The following GIT2 variants were observed in gnomAD, a reference collection of about 807,000 sequenced individuals.
GIT2 encodes the protein GIT ArfGAP 2, also known as ARF GTPase-activating protein GIT2.
A neutral mutation model predicts 100.3 loss-of-function variants in GIT2; 32 were observed. The observed-to-expected ratio is 0.32, with a 90% CI of 0.24 to 0.43. The LOEUF is 0.43. Ranked by LOEUF, GIT2 falls within the 20% of genes least tolerant of loss-of-function variation. The pLI is 1.00. For missense variants in GIT2, 737 were observed against 975.1 expected (o/e 0.76, Z 3.25); for synonymous variants, 353 against 364.1 (o/e 0.97, Z 0.35).
At chr12:109,963,949 C>T (rs922484224) in intron 9 of GIT2, among the ~76,000 whole-genome samples, 4 of 152,174 alleles carry the variant, frequency 2.6e-5, no homozygotes, top group Non-Finnish European at 5.9e-5. Context: ...ACTGACCAGT[C>T]TGACTCAGAG....
Position 109,938,491 on chromosome 12 carries a change from ACATGGGGTT to A in GIT2, c.1883_1891del (p.Glu628_His630del). ...GCTAGGGAGAGTGGGGCTTGGGGCC[ACATGGGGTT>A]CTGCTGTGTCTGGTACCAAGCCATC... On this transcript the variant is annotated inframe_deletion, in exon 18 of 20. Coordinates refer to ENST00000355312, the MANE Select transcript of GIT2 (RefSeq NM_057169.5). 4 of 1,613,910 alleles carry A rather than the reference ACATGGGGTT, an allele frequency of 2.5e-6. No individual in the cohort carries two copies. The highest frequency in any genetic ancestry group is 3.4e-6 in the Non-Finnish European group (4 of 1,179,808).
intron 4 of GIT2, among the ~76,000 whole-genome samples, chr12:109,986,923 C>T (rs1354272705): frequency 6.6e-6 from 1 of 151,612 alleles, no homozygotes; most frequent in Non-Finnish European, 1.5e-5. Flanking sequence ...TGCCATTGCA[C>T]TACAGCCTGG....
At chr12:109,991,187 G>A (rs940729592) in intron 2 of GIT2, among the ~76,000 whole-genome samples, 2 of 152,008 alleles carry the variant, frequency 1.3e-5, no homozygotes, top group South Asian at 4.1e-4. Flanking sequence ...GCGGGTGCCT[G>A]TAATCCCAGC....
intron 6 of GIT2, 153 bp from the exon 7 acceptor site, chr12:109,981,199 C>T (rs1379774095): frequency 1.6e-6 from 1 of 624,784 alleles, no homozygotes. Context: ...TTTCTGAAGT[C>T]TACTTTGCAT....
Position 109,948,299 on chromosome 12 carries a change from T to C in GIT2, c.1393-795A>G, listed in dbSNP as rs900890522. 9.1e-6 allele frequency: 9 copies of C among 987,154 alleles called. No homozygotes were observed. In the African/African-American group the frequency reaches 1.4e-4, roughly 15 times the overall value. 61.1% of individuals were successfully genotyped at this position (987,154 alleles called of 1,614,324 possible). ...CATCTTTCGGCCAGGGCTGGAATAT[T>C]TGGCCTTTCTCTCCTTTGGCTTTGT... is the stretch of plus-strand genomic sequence containing the variant. On this transcript the variant is annotated intron_variant, in intron 14 of 19. Transcript: ENST00000355312. This position sits in a 1 kb window ranked among gnomAD's most constrained non-coding sequence, Gnocchi z 4.3.
At chr12:110,000,127 G>T (rs1182940603), upstream of GIT2, among the ~76,000 whole-genome samples, 3 of 152,182 alleles carry the variant, frequency 2.0e-5, no homozygotes, top group African/African-American at 7.2e-5. Flanking sequence ...GGGCCGGCTG[G>T]CTCCGGAATG....
At chr12:109,946,005 G>A (rs917632162) in intron 15 of GIT2, among the ~76,000 whole-genome samples, 4 of 151,976 alleles carry the variant, frequency 2.6e-5, no homozygotes, top group African/African-American at 7.3e-5. Context: ...ACAGGACCAT[G>A]TGCCTGTAGT....
At chr12:109,935,077 TAAA>T (rs200683974) in intron 18 of GIT2, among the ~76,000 whole-genome samples, 1 of 140,566 alleles carries the variant, frequency 7.1e-6, no homozygotes, top group Non-Finnish European at 1.6e-5. Context: ...AGATTCCGTC[TAAA>T]AAAAAAAAAA....
chr12:109,980,912 C>T (rs1346722064), intron 7 of GIT2, 40 bp downstream of exon 7: 2 of 1,253,886 alleles, frequency 1.6e-6, no homozygotes, highest in South Asian at 1.2e-5. Context: ...TAGAACCTTC[C>T]CAACTGGAGA....
intron 13 of GIT2, 106 bp from the exon 14 acceptor site, chr12:109,951,422 T>C: frequency 1.1e-6 from 1 of 883,866 alleles, no homozygotes; most frequent in Non-Finnish European, 1.8e-6. Flanking sequence ...ATTGCAAAGT[T>C]AGTCAAACCA....
At position 109,947,415 on chromosome 12, in the gene GIT2, G is replaced by A; in HGVS notation, c.1482C>T (p.Asp494=). The part of the protein sequence containing the change: ...YQVQTGSEYT[D]TSNHSSLKRR... Reference sequence around the variant, plus strand: ...TCTTTAAGGAAGAGTGGTTGGAAGTGTCTGTGTACTCAGAACCAGTTTGCA... The same window carrying A: ...TCTTTAAGGAAGAGTGGTTGGAAGTATCTGTGTACTCAGAACCAGTTTGCA... Residue 494 remains aspartate (D), a synonymous_variant, in exon 15 of 20, where the codon GAC becomes GAT. Coordinates refer to ENST00000355312, the MANE Select transcript of GIT2 (RefSeq NM_057169.5). This position sits in a 1 kb window ranked among gnomAD's most constrained non-coding sequence, Gnocchi z 4.3. 6.2e-7 allele frequency: 1 copy of A among 1,614,032 alleles called. No homozygotes were observed. Among genetic ancestry groups the A allele is most frequent in the Non-Finnish European group, 8.5e-7 (1 of 1,179,874 alleles).
At chr12:109,998,597 C>T (rs141829613), upstream of GIT2, 2 of 152,330 alleles carry the variant, frequency 1.3e-5, no homozygotes, top group African/African-American at 4.8e-5. Context: ...TATTCGCAGA[C>T]TGTGGTCAAA....
At chr12:109,976,365 A>T (rs1307415051) in intron 7 of GIT2, among the ~76,000 whole-genome samples, 1 of 149,168 alleles carries the variant, frequency 6.7e-6, no homozygotes, top group Non-Finnish European at 1.5e-5. Flanking sequence ...GCTCACTACA[A>T]GCTCCGCCTC....
chr12:109,982,416 T>C (rs189689888), intron 6 of GIT2: 1 of 152,346 alleles, frequency 6.6e-6, no homozygotes, highest in Admixed American at 6.5e-5. Flanking sequence ...TGAATCATCT[T>C]TTCCAAGAGA....
chr12:109,985,483 A>G (rs949962465), intron 4 of GIT2, among the ~76,000 whole-genome samples: 52 of 152,352 alleles, frequency 3.4e-4, no homozygotes, highest in African/African-American at 1.2e-3. Context: ...TGGGAGGCCA[A>G]GGCAGGCAGA....
chr12:109,986,459 G>A (rs751190894), intron 4 of GIT2, among the ~76,000 whole-genome samples: 11 of 152,214 alleles, frequency 7.2e-5, no homozygotes, highest in Non-Finnish European at 1.3e-4. Flanking sequence ...GTGAAACCCC[G>A]TCTCTACTAA....
intron 13 of GIT2, among the ~76,000 whole-genome samples, chr12:109,951,786 T>C (rs1877932794): frequency 6.6e-6 from 1 of 152,068 alleles, no homozygotes; most frequent in South Asian, 2.1e-4. Flanking sequence ...TTGAGGGTGA[T>C]GAGTGCTGTG....
intron 14 of GIT2, among the ~76,000 whole-genome samples, chr12:109,950,402 C>T (rs1466010615): frequency 1.3e-5 from 2 of 152,210 alleles, no homozygotes; most frequent in Non-Finnish European, 2.9e-5. Flanking sequence ...ATGAGTGATA[C>T]CCACAAAGTC....
intron 4 of GIT2, among the ~76,000 whole-genome samples, chr12:109,984,858 A>G (rs1887028603): frequency 6.6e-6 from 1 of 152,208 alleles, no homozygotes. Flanking sequence ...GGGCTTTAGG[A>G]CTTCAAATTC....
Sources: allele counts gnomAD v4.1 joint callset (sites outside exome capture counted in the v4.1 genomes callset), GRCh38; gene constraint gnomAD v4.1.1; non-coding constraint Gnocchi (gnomAD v3.1); transcripts MANE v1.5; gene names NCBI Gene and HGNC (gene_info 2026-07-23, HGNC 2026-07-21).